The following BLTP1 variants were observed in gnomAD, a reference collection of about 807,000 sequenced individuals.
BLTP1 encodes the protein bridge-like lipid transfer protein family member 1.
At chr4:122,235,136 A>G in the BLTP1 span, 1 of 1,026,780 alleles carries the variant, frequency 9.7e-7, no homozygotes, top group Non-Finnish European at 1.4e-6. Context: ...GTGTGATGTT[A>G]TGAGTAGGGT....
chr4:122,344,462 T>A, the BLTP1 span: 1 of 1,614,020 alleles, frequency 6.2e-7, no homozygotes, highest in Non-Finnish European at 8.5e-7. Flanking sequence ...AAAAGTGAGT[T>A]TGTCACGGAT....
the BLTP1 span, chr4:122,345,050 T>G: frequency 1.0e-6 from 1 of 982,850 alleles, no homozygotes; most frequent in South Asian, 4.7e-5. Flanking sequence ...AAATAGACAT[T>G]CTGAAGAATC....
the BLTP1 span, chr4:122,271,216 C>G: frequency 6.2e-7 from 1 of 1,613,914 alleles, no homozygotes; most frequent in Non-Finnish European, 8.5e-7. Context: ...AGTCAATAAG[C>G]CAGCATGTAG....
chr4:122,173,243 A>G, the BLTP1 span: 1 of 1,335,378 alleles, frequency 7.5e-7, no homozygotes, highest in South Asian at 1.3e-5. Flanking sequence ...AATGCCTGAG[A>G]CTAGGTCATT....
chr4:122,205,735 TATA>T, the BLTP1 span, among the ~76,000 whole-genome samples: 222 of 151,014 alleles, frequency 1.5e-3, 2 homozygotes, highest in African/African-American at 5.2e-3. Context: ...AAGTCTGTGC[TATA>T]ATAATACCTT....
the BLTP1 span, chr4:122,346,119 A>G: frequency 9.6e-6 from 4 of 417,342 alleles, no homozygotes; most frequent in Non-Finnish European, 1.3e-5. Context: ...AAACTATGGT[A>G]GAAGAATAGA....
At chr4:122,226,998 A>G in the BLTP1 span, 1 of 605,232 alleles carries the variant, frequency 1.7e-6, no homozygotes. Flanking sequence ...TTTAGTTTTA[A>G]GTATCTAAAA....
the BLTP1 span, chr4:122,196,769 A>AT: frequency 6.3e-7 from 1 of 1,583,682 alleles, no homozygotes; most frequent in South Asian, 1.2e-5. Context: ...GCTACAATTG[A>AT]TTTGCTGTTT....
chr4:122,290,553 C>T, the BLTP1 span, among the ~76,000 whole-genome samples: 115 of 151,436 alleles, frequency 7.6e-4, no homozygotes, highest in Admixed American at 2.2e-3. Context: ...TTTGGGAGGC[C>T]GAGGCGGGTG....
the BLTP1 span, chr4:122,257,418 A>G: frequency 6.2e-7 from 1 of 1,614,046 alleles, no homozygotes; most frequent in East Asian, 2.2e-5. Flanking sequence ...GAACATGAAG[A>G]TGGACTTGGA....
At chr4:122,186,640 T>G in the BLTP1 span, among the ~76,000 whole-genome samples, 10 of 152,096 alleles carry the variant, frequency 6.6e-5, no homozygotes, top group Admixed American at 5.2e-4. Context: ...TATGTAGCAG[T>G]TTGTCTGTAA....
the BLTP1 span, chr4:122,246,605 T>C: frequency 6.6e-7 from 1 of 1,508,324 alleles, no homozygotes; most frequent in South Asian, 1.3e-5. Flanking sequence ...TTAACAGTAG[T>C]TTTTCATTTT....
At chr4:122,157,045 G>C in the BLTP1 span, among the ~76,000 whole-genome samples, 3 of 151,758 alleles carry the variant, frequency 2.0e-5, no homozygotes, top group African/African-American at 7.2e-5. Context: ...GCTGACTCCT[G>C]ATCTTTTAGT....
At chr4:122,224,441 A>G in the BLTP1 span, 1 of 1,541,620 alleles carries the variant, frequency 6.5e-7, no homozygotes, top group Non-Finnish European at 8.8e-7. Flanking sequence ...GGAAACAACT[A>G]GAAATTATAA....
At chr4:122,288,623 G>A in the BLTP1 span, 2 of 197,616 alleles carry the variant, frequency 1.0e-5, no homozygotes, top group South Asian at 3.5e-4. Context: ...CTGCACTCCA[G>A]CCTGGGTGAC....
At chr4:122,216,573 G>C in the BLTP1 span, among the ~76,000 whole-genome samples, 1 of 152,110 alleles carries the variant, frequency 6.6e-6, no homozygotes, top group Non-Finnish European at 1.5e-5. Flanking sequence ...TTTGAGAAAT[G>C]TCTATTCATG....
chr4:122,207,716 T>G, the BLTP1 span: 1 of 1,235,612 alleles, frequency 8.1e-7, no homozygotes, highest in South Asian at 1.4e-5. Flanking sequence ...CTTCACTCTC[T>G]TCTCCCCAGT....
the BLTP1 span, among the ~76,000 whole-genome samples, chr4:122,352,361 T>C: frequency 6.4e-5 from 9 of 139,702 alleles, no homozygotes; most frequent in South Asian, 4.6e-4. Flanking sequence ...TTTTCTTTTT[T>C]TTTTTTTTTT....
At chr4:122,220,473 A>G in the BLTP1 span, 1 of 1,606,224 alleles carries the variant, frequency 6.2e-7, no homozygotes, top group Non-Finnish European at 8.5e-7. Flanking sequence ...ACTATCAGGT[A>G]AGGTGAAAAT....
Sources: allele counts gnomAD v4.1 joint callset (sites outside exome capture counted in the v4.1 genomes callset), GRCh38; gene constraint gnomAD v4.1.1; transcripts MANE v1.5; gene names NCBI Gene and HGNC (gene_info 2026-07-23, HGNC 2026-07-21).